Variants in CTNNA3 observed in about 807,000 individuals in gnomAD.
CTNNA3 encodes catenin alpha 3, also known as catenin alpha-3.
In CTNNA3, 76 loss-of-function variants were observed where a neutral mutation model predicts 95.7. The ratio of observed to expected loss-of-function variants is 0.79; its 90% CI spans 0.66 to 0.96. CTNNA3 has a LOEUF of 0.96. CTNNA3 is among the 40% of genes least tolerant of loss of function. CTNNA3 has a pLI of 0.00. For synonymous variants in CTNNA3, 431 were observed against 374.4 expected (o/e 1.15, Z -1.74); for missense variants, 1,191 against 1,089.8 (o/e 1.09, Z -1.31).
chr10:66,756,029 T>C (rs1336831219), intron 9 of CTNNA3, among the ~76,000 whole-genome samples: 1 of 152,182 alleles, frequency 6.6e-6, no homozygotes, highest in African/African-American at 2.4e-5. Context: ...AGTGCTTCTG[T>C]TTTATTTTTA....
At chr10:66,775,186 A>T (rs1564674767) in intron 8 of CTNNA3, among the ~76,000 whole-genome samples, 1 of 152,172 alleles carries the variant, frequency 6.6e-6, no homozygotes, top group East Asian at 1.9e-4. Context: ...TGTGCCGAAG[A>T]TCTCACAACT....
chr10:66,214,059 A>T (rs2088352236), intron 13 of CTNNA3, among the ~76,000 whole-genome samples: 1 of 152,202 alleles, frequency 6.6e-6, no homozygotes, highest in Non-Finnish European at 1.5e-5. Flanking sequence ...CATTGTGTTC[A>T]GCAGTCAACA....
chr10:67,712,500 AG>A (rs1841117563), intron 1 of CTNNA3, among the ~76,000 whole-genome samples: 1 of 152,194 alleles, frequency 6.6e-6, no homozygotes, highest in Non-Finnish European at 1.5e-5. Flanking sequence ...TGTGCAGCCT[AG>A]GGACTTGGTG....
chr10:67,458,655 G>T (rs766601796), intron 5 of CTNNA3, among the ~76,000 whole-genome samples: 1 of 152,044 alleles, frequency 6.6e-6, no homozygotes, highest in Non-Finnish European at 1.5e-5. Flanking sequence ...GAAGTGGTCA[G>T]ATCACTTAAG....
intron 13 of CTNNA3, among the ~76,000 whole-genome samples, chr10:66,252,079 T>C (rs35564373): frequency 0.092 from 13,981 of 152,232 alleles, 692 homozygotes; most frequent in Admixed American, 0.13. Context: ...CAAGTTTTAA[T>C]ATATATTAAG....
intron 11 of CTNNA3, among the ~76,000 whole-genome samples, chr10:66,449,131 A>AG: frequency 6.6e-6 from 1 of 152,100 alleles, no homozygotes; most frequent in South Asian, 2.1e-4. Flanking sequence ...GCCCAATAAA[A>AG]TGAGAATGCT....
At chr10:66,693,225 G>A (rs528109038) in intron 9 of CTNNA3, among the ~76,000 whole-genome samples, 3 of 152,074 alleles carry the variant, frequency 2.0e-5, no homozygotes, top group African/African-American at 7.2e-5. Flanking sequence ...CATCTCACAC[G>A]CAGAGACACA....
intron 12 of CTNNA3, among the ~76,000 whole-genome samples, chr10:66,332,878 G>A (rs575828016): frequency 2.6e-5 from 4 of 152,168 alleles, no homozygotes; most frequent in Non-Finnish European, 5.9e-5. Flanking sequence ...TGGTTGGTAA[G>A]CTATTAATTA....
At chr10:66,058,169 A>G (rs753763329) in intron 15 of CTNNA3, among the ~76,000 whole-genome samples, 4 of 152,176 alleles carry the variant, frequency 2.6e-5, no homozygotes, top group Non-Finnish European at 4.4e-5. Flanking sequence ...TTAATGAACA[A>G]AAAGATATGA....
intron 5 of CTNNA3, among the ~76,000 whole-genome samples, chr10:67,308,257 A>G (rs1037121793): frequency 1.3e-5 from 2 of 152,334 alleles, no homozygotes; most frequent in African/African-American, 2.4e-5. Flanking sequence ...TGTAGCTCCC[A>G]TAATACCCAT....
At chr10:67,219,902 A>G in intron 5 of CTNNA3, 32 bp from the exon 6 acceptor site, 1 of 1,555,980 alleles carries the variant, frequency 6.4e-7, no homozygotes, top group Non-Finnish European at 8.8e-7. Flanking sequence ...GTGGTATCTT[A>G]CAATGGGTTA....
chr10:66,337,745 A>G (rs2092412134), intron 12 of CTNNA3, among the ~76,000 whole-genome samples: 1 of 152,178 alleles, frequency 6.6e-6, no homozygotes, highest in South Asian at 2.1e-4. Context: ...AATCTAGACA[A>G]TAATAAATAT....
intron 11 of CTNNA3, among the ~76,000 whole-genome samples, chr10:66,460,558 CTA>C (rs1564984988): frequency 4.6e-5 from 7 of 152,016 alleles, no homozygotes; most frequent in Non-Finnish European, 8.8e-5. Context: ...TCCTAACTTT[CTA>C]TAGCATGCAC....
intron 14 of CTNNA3, among the ~76,000 whole-genome samples, chr10:66,081,816 T>C (rs985967336): frequency 1.3e-5 from 2 of 152,058 alleles, no homozygotes; most frequent in African/African-American, 2.4e-5. Flanking sequence ...AATTGAATAG[T>C]CTTAAAGCAC....
chr10:67,616,230 G>T (rs1843652763), intron 2 of CTNNA3, among the ~76,000 whole-genome samples: 1 of 152,162 alleles, frequency 6.6e-6, no homozygotes, highest in African/African-American at 2.4e-5. Context: ...ACCAAATTGT[G>T]CAGGACTTGT....
At chr10:66,980,015 T>C (rs1412388701) in intron 7 of CTNNA3, among the ~76,000 whole-genome samples, 2 of 152,220 alleles carry the variant, frequency 1.3e-5, no homozygotes, top group Admixed American at 1.3e-4. Context: ...AACAAGGTTA[T>C]GCATTGGCAC....
intron 17 of CTNNA3, among the ~76,000 whole-genome samples, chr10:65,937,073 A>T (rs1402898318): frequency 6.6e-6 from 1 of 152,022 alleles, no homozygotes; most frequent in Non-Finnish European, 1.5e-5. Context: ...GTAGCCTCCA[A>T]ATCTGTGCCT....
intron 9 of CTNNA3, among the ~76,000 whole-genome samples, chr10:66,763,275 T>C (rs931057878): frequency 1.3e-5 from 2 of 150,152 alleles, no homozygotes; most frequent in Admixed American, 6.7e-5. Context: ...TTCTGGGAGA[T>C]AAATGCAGTA....
intron 6 of CTNNA3, among the ~76,000 whole-genome samples, chr10:67,200,008 T>C (rs1182007008): frequency 6.6e-6 from 1 of 152,186 alleles, no homozygotes; most frequent in Non-Finnish European, 1.5e-5. Flanking sequence ...TTTGCCCCTT[T>C]TCTTTGCAGA....
Sources: gnomAD v4.1 joint callset for allele counts (sites outside exome capture counted in the v4.1 genomes callset) on GRCh38, gnomAD v4.1.1 for gene constraint, MANE v1.5 for transcripts, NCBI Gene and HGNC (gene_info 2026-07-23, HGNC 2026-07-21) for gene names.